The following PRMT9 variants were observed in gnomAD, a reference collection of about 807,000 sequenced individuals.
The protein encoded by PRMT9 is protein arginine N-methyltransferase 9.
A neutral mutation model predicts 83.2 loss-of-function variants in PRMT9; 59 were observed. The observed-to-expected ratio is 0.71, with a 90% confidence interval of 0.57 to 0.88. The LOEUF is 0.88. PRMT9 is among the 40% of genes least tolerant of loss of function. The pLI, the probability that PRMT9 is intolerant of heterozygous loss-of-function variation, is 0.00. For synonymous variants in PRMT9, 333 were observed against 353.2 expected (o/e 0.94, Z 0.64); for missense variants, 947 against 1,021.9 (o/e 0.93, Z 1.00).
At chr4:147,667,095 G>T (rs991593919) in intron 6 of PRMT9, among the ~76,000 whole-genome samples, 8 of 152,180 alleles carry the variant, frequency 5.3e-5, no homozygotes, top group South Asian at 2.1e-4. Context: ...CCATGTTACA[G>T]CAAGAAATCT....
At chr4:147,659,411 A>AG (rs1423157665) in intron 7 of PRMT9, among the ~76,000 whole-genome samples, 1 of 151,784 alleles carries the variant, frequency 6.6e-6, no homozygotes, top group East Asian at 1.9e-4. Context: ...CAAAAAAAAA[A>AG]GAAAAAAAAG....
intron 7 of PRMT9, among the ~76,000 whole-genome samples, chr4:147,658,778 T>C (rs922670429): frequency 1.3e-5 from 2 of 152,108 alleles, no homozygotes; most frequent in East Asian, 1.9e-4. Flanking sequence ...TAACAAATAA[T>C]AAAGGAAAGC....
At chr4:147,640,837 G>A (rs573135627) in intron 10 of PRMT9, among the ~76,000 whole-genome samples, 7 of 152,054 alleles carry the variant, frequency 4.6e-5, no homozygotes, top group African/African-American at 7.2e-5. Context: ...TCCTCCCACC[G>A]CAGCCTCCCG....
intron 6 of PRMT9, chr4:147,661,275 AAC>A (rs1734932346): frequency 9.7e-6 from 4 of 411,000 alleles, no homozygotes; most frequent in Non-Finnish European, 1.7e-5. Flanking sequence ...AAAAAAAAAA[AAC>A]ACCCTGTAAT....
At chr4:147,670,570 C>G in intron 5 of PRMT9, 71 bp downstream of exon 5, 1 of 980,206 alleles carries the variant, frequency 1.0e-6, no homozygotes, top group South Asian at 1.3e-5. Flanking sequence ...TGTAAATATA[C>G]TAAGGATTCA....
At chr4:147,646,530 G>C (rs1344766921) in intron 9 of PRMT9, among the ~76,000 whole-genome samples, 1 of 151,942 alleles carries the variant, frequency 6.6e-6, no homozygotes, top group African/African-American at 2.4e-5. Context: ...TAAAACATAG[G>C]TTGAGCCCAG....
intron 6 of PRMT9, among the ~76,000 whole-genome samples, chr4:147,661,814 T>A (rs75602059): frequency 0.052 from 3,433 of 65,852 alleles, 95 homozygotes; most frequent in East Asian, 0.27. Context: ...AAAAAAAAAA[T>A]TCACAATGCA....
chr4:147,638,285 C>T lies in PRMT9; in HGVS notation c.*247G>A, dbSNP rs979237653. On this transcript the variant is annotated 3_prime_UTR_variant, in exon 12 of 12. Transcript: ENST00000322396. Reference sequence around the variant, plus strand: ...TTTTAAAATCCCTATTCTGTAAAATCGAGCAAAAGAAGTTTCCTAATTTAA... The same window carrying T: ...TTTTAAAATCCCTATTCTGTAAAATTGAGCAAAAGAAGTTTCCTAATTTAA... The T allele has an allele frequency of 1.8e-5, 9 of 497,284 alleles. No individual in the cohort carries two copies. The highest frequency in any genetic ancestry group is 5.6e-4 in the Middle Eastern group (1 of 1,794). 30.8% of individuals were successfully genotyped at this position (497,284 alleles called of 1,614,324 possible). A position where few individuals can be genotyped will look rare whatever the true frequency, so the allele number is the denominator to read the frequency against.
At chr4:147,683,778 G>A (rs1377371185) in intron 1 of PRMT9, 21 bp downstream of exon 1, 1 of 1,345,248 alleles carries the variant, frequency 7.4e-7, no homozygotes, top group African/African-American at 1.5e-5. Context: ...CTGCCAGCAA[G>A]TGAGAAAAAA....
intron 4 of PRMT9, chr4:147,671,720 A>G (rs1735745597): frequency 2.6e-6 from 1 of 383,338 alleles, no homozygotes; most frequent in Admixed American, 3.6e-5. Flanking sequence ...GTCAAAATAA[A>G]TTAATAATAG....
At chr4:147,647,883 C>T (rs1028914604) in intron 9 of PRMT9, among the ~76,000 whole-genome samples, 6 of 152,116 alleles carry the variant, frequency 3.9e-5, no homozygotes, top group Non-Finnish European at 7.4e-5. Context: ...GTAAGAAGAA[C>T]CCATCAGGCT....
chr4:147,655,830 T>C (rs1734448757), intron 8 of PRMT9, among the ~76,000 whole-genome samples: 2 of 152,196 alleles, frequency 1.3e-5, no homozygotes, highest in South Asian at 2.1e-4. Flanking sequence ...AGCCCAGCCA[T>C]AAATTGCTAT....
At chr4:147,655,392 G>A (rs150633137) in intron 8 of PRMT9, among the ~76,000 whole-genome samples, 32 of 152,020 alleles carry the variant, frequency 2.1e-4, no homozygotes, top group African/African-American at 7.5e-4. Flanking sequence ...TGAACTCCTG[G>A]GCTCAAGTGT....
At chr4:147,657,121 T>C (rs1229831231) in intron 8 of PRMT9, among the ~76,000 whole-genome samples, 1 of 152,128 alleles carries the variant, frequency 6.6e-6, no homozygotes, top group South Asian at 2.1e-4. Context: ...GATGCAGGGC[T>C]CCACAGACGT....
In PRMT9 at chr4:147,661,036, A is replaced by C; in HGVS notation, c.956T>G (p.Val319Gly). Residue 319 changes from valine (V) to glycine (G), a missense_variant and splice_region_variant, in exon 7 of 12, where the codon GTG becomes GGG. Coordinates refer to ENST00000322396, the MANE Select transcript of PRMT9 (RefSeq NM_138364.4). Reference sequence around the variant, plus strand: ...GATACCAGCAATGTCCTTAATACCCACTCTGGAGAGAGAGAAAATAGGGGA... The same window carrying C: ...GATACCAGCAATGTCCTTAATACCCCCTCTGGAGAGAGAGAAAATAGGGGA... The part of the protein sequence containing the change: ...ECAEIRRHHR[V>G]GIKDIAGIHL... 1 of 1,605,052 alleles carries C rather than the reference A, an allele frequency of 6.2e-7. No individual in the cohort carries two copies. The highest frequency in any genetic ancestry group is 8.5e-7 in the Non-Finnish European group (1 of 1,171,912).
chr4:147,683,910 C>G lies in PRMT9; in HGVS notation c.78G>C (p.Ser26=). ...AGTGCTCTGCGCTCTGCAAGGACCG[C>G]GACACCAGCTCGTCCCGGCCGGCTG... ...AGAAGRDELV[S]RSLQSAEHCL... is the part of the protein sequence containing the mutation. The change falls in exon 1 of 12, where the codon TCG becomes TCC. Residue 26 remains serine, a synonymous_variant. Transcript: ENST00000322396. The G allele has an allele frequency of 6.2e-7, 1 of 1,613,430 alleles. No individual in the cohort carries two copies.
Position 147,651,430 on chromosome 4 carries a change from T to C in PRMT9, c.2045+2422A>G, listed in dbSNP as rs183784698. On this transcript the variant is annotated intron_variant, in intron 9 of 11. Coordinates refer to ENST00000322396, the MANE Select transcript of PRMT9 (RefSeq NM_138364.4). ...AACTTTTGCACATCAAAGGAAATGA[T>C]CAAAAGAGTGAAAAGGCAACCTATG... Among the ~76,000 whole-genome samples, 592 of 152,044 alleles carry C rather than the reference T, an allele frequency of 3.9e-3. 7 individuals are homozygous for C. The highest frequency in any genetic ancestry group is 0.013 in the African/African-American group (559 of 41,478).
intron 9 of PRMT9, among the ~76,000 whole-genome samples, chr4:147,646,127 A>G (rs113075379): frequency 1.3e-5 from 2 of 152,330 alleles, no homozygotes; most frequent in African/African-American, 4.8e-5. Context: ...TGCCTTTACC[A>G]AACTGGCTAA....
intron 6 of PRMT9, among the ~76,000 whole-genome samples, chr4:147,663,593 T>TG (rs1352099639): frequency 1.4e-4 from 21 of 152,246 alleles, no homozygotes; most frequent in Admixed American, 3.9e-4. Context: ...CTCAAACTCC[T>TG]GAGCTCAGGC....
Sources: allele counts gnomAD v4.1 joint callset (sites outside exome capture counted in the v4.1 genomes callset), GRCh38; gene constraint gnomAD v4.1.1; transcripts MANE v1.5; gene names NCBI Gene and HGNC (gene_info 2026-07-23, HGNC 2026-07-21).